Variants in KAT6B observed in about 807,000 individuals in gnomAD.
KAT6B encodes histone acetyltransferase KAT6B.
A neutral mutation model predicts 187.5 loss-of-function variants in KAT6B; 10 were observed. The observed-to-expected ratio is 0.05, with a 90% CI of 0.03 to 0.09. The LOEUF is 0.09. Ranked by LOEUF, KAT6B falls within the 10% of genes least tolerant of loss-of-function variation. The pLI is 1.00. For missense variants in KAT6B, 1,952 were observed against 2,558.9 expected (o/e 0.76, Z 5.12); for synonymous variants, 861 against 926.8 (o/e 0.93, Z 1.29).
At chr10:74,975,008 A>G (rs1478030903) in intron 7 of KAT6B, among the ~76,000 whole-genome samples, 3 of 152,262 alleles carry the variant, frequency 2.0e-5, no homozygotes, top group African/African-American at 7.2e-5. Flanking sequence ...GATAACACAT[A>G]TGACTTATTT....
At chr10:74,825,387 G>C (rs1288094516), upstream of KAT6B, among the ~76,000 whole-genome samples, 1 of 150,754 alleles carries the variant, frequency 6.6e-6, no homozygotes, top group African/African-American at 2.4e-5. The surrounding 1 kb of genome is among the most constrained non-coding windows in gnomAD (Gnocchi z 5.0). Flanking sequence ...GACTGGGGCG[G>C]GCGGGGTCCG....
intron 3 of KAT6B, among the ~76,000 whole-genome samples, chr10:74,873,193 G>A (rs1310675437): frequency 6.6e-6 from 1 of 151,936 alleles, no homozygotes; most frequent in Non-Finnish European, 1.5e-5. Context: ...AGGCATGGTG[G>A]CTCACGGCTA....
intron 3 of KAT6B, among the ~76,000 whole-genome samples, chr10:74,847,737 C>A (rs757870027): frequency 6.6e-6 from 1 of 151,518 alleles, no homozygotes; most frequent in Non-Finnish European, 1.5e-5. Context: ...TAATATATTA[C>A]CCTTTGAAAT....
At chr10:74,878,780 G>A (rs1844625774) in intron 3 of KAT6B, among the ~76,000 whole-genome samples, 1 of 152,186 alleles carries the variant, frequency 6.6e-6, no homozygotes, top group South Asian at 2.1e-4. Context: ...GTATGAACCA[G>A]GGTGCATGTT....
chr10:74,913,500 C>T (rs1479393222), intron 3 of KAT6B, among the ~76,000 whole-genome samples: 4 of 152,114 alleles, frequency 2.6e-5, no homozygotes, highest in African/African-American at 7.2e-5. Context: ...TTTGAGCTGC[C>T]GTTGACTGTG....
intron 3 of KAT6B, among the ~76,000 whole-genome samples, chr10:74,850,821 A>G (rs1485465053): frequency 6.6e-6 from 1 of 152,228 alleles, no homozygotes; most frequent in Admixed American, 6.5e-5. Flanking sequence ...TTATAAAATC[A>G]GTTTAGTTCC....
intron 3 of KAT6B, among the ~76,000 whole-genome samples, chr10:74,870,246 TCACAC>T (rs1311111698): frequency 1.3e-5 from 2 of 152,066 alleles, no homozygotes; most frequent in African/African-American, 4.8e-5. Flanking sequence ...TGAGCCATGA[TCACAC>T]CACTGCATTC....
At chr10:74,882,072 G>A (rs541914925) in intron 3 of KAT6B, among the ~76,000 whole-genome samples, 51 of 152,276 alleles carry the variant, frequency 3.3e-4, no homozygotes, top group African/African-American at 1.2e-3. Flanking sequence ...TTCCCGCTGC[G>A]CCTCCACCTG....
Position 75,021,834 on chromosome 10 carries a change from G to C in KAT6B, c.3022-47G>C, listed in dbSNP as rs1380419352. On this transcript the variant is annotated intron_variant, in intron 15 of 17. Coordinates refer to ENST00000287239, the MANE Select transcript of KAT6B (RefSeq NM_012330.4). ...CCATTGATCCTCAGAGGCTCTGGCT[G>C]TGTAACTGCCCTCTCACTGGCCACC... The C allele has an allele frequency of 1.9e-6, 3 of 1,607,086 alleles. No homozygotes were observed. In the East Asian group the frequency reaches 6.7e-5, roughly 36 times the overall value.
intron 3 of KAT6B, among the ~76,000 whole-genome samples, chr10:74,918,767 G>A (rs1208551474): frequency 6.6e-6 from 1 of 152,048 alleles, no homozygotes; most frequent in Non-Finnish European, 1.5e-5. Flanking sequence ...ATTTCATTGA[G>A]TAGAGGTTTG....
intron 4 of KAT6B, among the ~76,000 whole-genome samples, chr10:74,964,262 G>T (rs1263975114): frequency 6.6e-6 from 1 of 152,210 alleles, no homozygotes; most frequent in Non-Finnish European, 1.5e-5. Flanking sequence ...AACTGTGCTT[G>T]TCTGGGTAAT....
At chr10:74,857,929 G>A (rs911647148) in intron 3 of KAT6B, among the ~76,000 whole-genome samples, 2 of 152,096 alleles carry the variant, frequency 1.3e-5, no homozygotes, top group African/African-American at 4.8e-5. Context: ...GGCTGAGGTG[G>A]GAGGATTGCC....
chr10:74,945,775 G>A (rs1172033853), intron 3 of KAT6B, among the ~76,000 whole-genome samples: 1 of 152,174 alleles, frequency 6.6e-6, no homozygotes, highest in Non-Finnish European at 1.5e-5. Flanking sequence ...AAAAGGTTGC[G>A]TGTTTTTGCA....
chr10:74,975,305 C>T (rs1842080634), intron 7 of KAT6B, 94 bp from the exon 8 acceptor site: 2 of 972,444 alleles, frequency 2.1e-6, no homozygotes, highest in Non-Finnish European at 3.2e-6. Context: ...AGTTTAAGCC[C>T]ATTGAATGCA....
intron 3 of KAT6B, among the ~76,000 whole-genome samples, chr10:74,847,612 C>T (rs1487249993): frequency 1.3e-5 from 2 of 151,608 alleles, no homozygotes; most frequent in East Asian, 1.9e-4. Context: ...TGCAGTGAGC[C>T]GAGATTGCGC....
At position 75,000,395 on chromosome 10, in the gene KAT6B, C is replaced by T. The variant is rs531211162; in HGVS notation, c.2629+11283C>T. 1.2e-3 allele frequency among the ~76,000 whole-genome samples: 180 copies of T among 152,236 alleles called. 1 individual carries two copies. Among genetic ancestry groups the T allele is most frequent in the African/African-American group, 4.2e-3 (175 of 41,518 alleles). On this transcript the variant is annotated intron_variant, in intron 13 of 17. Transcript: ENST00000287239. Reference sequence around the variant, plus strand: ...CAGGTGGTTTATTACAAAGTCTGATCTGGCATTTGATGAAATTCAACATTC... The same window carrying T: ...CAGGTGGTTTATTACAAAGTCTGATTTGGCATTTGATGAAATTCAACATTC...
At chr10:74,948,165 C>T (rs1240106217) in intron 3 of KAT6B, among the ~76,000 whole-genome samples, 1 of 152,172 alleles carries the variant, frequency 6.6e-6, no homozygotes. Context: ...AAGTCAGGAG[C>T]ATGGAAATTC....
intron 3 of KAT6B, among the ~76,000 whole-genome samples, chr10:74,930,755 C>A (rs1848812449): frequency 6.6e-6 from 1 of 152,174 alleles, no homozygotes; most frequent in South Asian, 2.1e-4. Flanking sequence ...TTTCTTTGAG[C>A]ATGGGTTGGA....
chr10:75,025,319 C>A (rs1845737182), intron 17 of KAT6B, 70 bp downstream of exon 17: 2 of 1,537,854 alleles, frequency 1.3e-6, no homozygotes, highest in Admixed American at 1.7e-5. Context: ...AAAGAGCAGG[C>A]CTCTGGCGTG....
Sources: allele counts gnomAD v4.1 joint callset (sites outside exome capture counted in the v4.1 genomes callset), GRCh38; gene constraint gnomAD v4.1.1; non-coding constraint Gnocchi (gnomAD v3.1); transcripts MANE v1.5; gene names NCBI Gene and HGNC (gene_info 2026-07-23, HGNC 2026-07-21).